Variants in EXOC6B observed in about 807,000 individuals in gnomAD.
EXOC6B encodes the protein SEC15 homolog B.
Under a neutral mutation model 113.5 loss-of-function variants are expected in EXOC6B, and 54 were observed. That is an observed-to-expected ratio of 0.48 (90% CI 0.38 to 0.60). EXOC6B has a LOEUF of 0.60. Among genes scored for constraint, EXOC6B ranks in the 20% least tolerant of loss-of-function variants. The pLI is 0.00. For missense variants in EXOC6B, 797 were observed against 977.5 expected (o/e 0.82, Z 2.46); for synonymous variants, 357 against 339.0 (o/e 1.05, Z -0.58).
intron 11 of EXOC6B, among the ~76,000 whole-genome samples, chr2:72,504,392 T>A (rs1267332837): frequency 1.3e-5 from 2 of 152,230 alleles, no homozygotes; most frequent in East Asian, 3.8e-4. Context: ...ATTATATAAG[T>A]GGAAATAAGC....
chr2:72,716,352 C>G (rs1198013320), intron 6 of EXOC6B, among the ~76,000 whole-genome samples: 1 of 152,174 alleles, frequency 6.6e-6, no homozygotes, highest in Non-Finnish European at 1.5e-5. Flanking sequence ...TCCCTCTTAT[C>G]TGGGAATTCA....
intron 6 of EXOC6B, among the ~76,000 whole-genome samples, chr2:72,655,850 A>C (rs1674539481): frequency 6.6e-6 from 1 of 152,108 alleles, no homozygotes; most frequent in East Asian, 1.9e-4. Context: ...AAACTTCCGT[A>C]ATTTCTTTTA....
At chr2:72,756,691 A>G (rs1032215373) in intron 1 of EXOC6B, among the ~76,000 whole-genome samples, 3 of 152,196 alleles carry the variant, frequency 2.0e-5, no homozygotes, top group Middle Eastern at 3.2e-3. Context: ...CCCAAATATA[A>G]TCCTAGCAGA....
chr2:72,592,569 C>A (rs1401672384), intron 6 of EXOC6B, among the ~76,000 whole-genome samples: 2 of 152,034 alleles, frequency 1.3e-5, no homozygotes, highest in Admixed American at 1.3e-4. Flanking sequence ...AACGTGAATC[C>A]TCTCCAAAAA....
intron 6 of EXOC6B, among the ~76,000 whole-genome samples, chr2:72,704,618 A>C (rs1198476560): frequency 1.3e-5 from 2 of 152,184 alleles, no homozygotes; most frequent in Non-Finnish European, 2.9e-5. Flanking sequence ...AGAATCAAAT[A>C]GACGCAATAA....
chr2:72,379,722 G>A lies in EXOC6B; in HGVS notation c.2122+7C>T, dbSNP rs1304550780. 1 of 1,607,716 alleles carries A rather than the reference G, an allele frequency of 6.2e-7. No homozygotes were observed. The highest frequency in any genetic ancestry group is 1.1e-5 in the South Asian group (1 of 89,868). On this transcript the variant is annotated splice_region_variant and intron_variant, in intron 19 of 21. Coordinates refer to ENST00000272427, the MANE Select transcript of EXOC6B (RefSeq NM_015189.3). ...ATAAACAAGCACAGGGATGGTCACT[G>A]TCTTACGTTCACATTCTCTGACGTC...
chr2:72,820,430 G>A (rs1479264521), intron 1 of EXOC6B, among the ~76,000 whole-genome samples: 1 of 152,088 alleles, frequency 6.6e-6, no homozygotes, highest in Non-Finnish European at 1.5e-5. Flanking sequence ...ATAAGACTGA[G>A]TAGTATGACA....
chr2:72,414,425 A>G (rs903360888), intron 18 of EXOC6B, among the ~76,000 whole-genome samples: 4 of 152,210 alleles, frequency 2.6e-5, no homozygotes, highest in African/African-American at 7.2e-5. Flanking sequence ...TCAAAAAACC[A>G]GTTTTATAAA....
At chr2:72,747,172 A>G (rs897564160) in intron 1 of EXOC6B, among the ~76,000 whole-genome samples, 17 of 151,994 alleles carry the variant, frequency 1.1e-4, no homozygotes, top group African/African-American at 4.1e-4. Flanking sequence ...ATTCATTCTG[A>G]TATTTCTGTC....
At chr2:72,701,122 T>C (rs1289015414) in intron 6 of EXOC6B, among the ~76,000 whole-genome samples, 1 of 151,824 alleles carries the variant, frequency 6.6e-6, no homozygotes, top group Non-Finnish European at 1.5e-5. Context: ...GGAAGGTGGA[T>C]CATGAGGTCA....
At chr2:72,327,098 G>C (rs976383857) in intron 20 of EXOC6B, among the ~76,000 whole-genome samples, 1 of 151,964 alleles carries the variant, frequency 6.6e-6, no homozygotes, top group Admixed American at 6.6e-5. Context: ...TCACATATCT[G>C]CCATTTATGA....
chr2:72,254,336 C>G (rs140317682), intron 20 of EXOC6B, among the ~76,000 whole-genome samples: 127 of 152,216 alleles, frequency 8.3e-4, no homozygotes, highest in African/African-American at 3.0e-3. Context: ...GAGGTGGAGA[C>G]TGGAGTTATG....
intron 6 of EXOC6B, among the ~76,000 whole-genome samples, chr2:72,591,326 G>T (rs901547684): frequency 6.6e-6 from 1 of 152,074 alleles, no homozygotes; most frequent in Non-Finnish European, 1.5e-5. Flanking sequence ...GACAGCTACT[G>T]TTACCTCAGG....
At chr2:72,222,933 T>C (rs1363856323) in intron 20 of EXOC6B, among the ~76,000 whole-genome samples, 4 of 152,118 alleles carry the variant, frequency 2.6e-5, no homozygotes, top group Admixed American at 2.0e-4. Flanking sequence ...ATGTAAGGGT[T>C]TGCAATATAC....
chr2:72,698,100 T>C (rs945302884), intron 6 of EXOC6B, among the ~76,000 whole-genome samples: 3 of 152,060 alleles, frequency 2.0e-5, no homozygotes, highest in Non-Finnish European at 2.9e-5. Context: ...AAGGAGAACC[T>C]TGGGCATGTC....
intron 20 of EXOC6B, among the ~76,000 whole-genome samples, chr2:72,296,829 C>T (rs937981048): frequency 2.0e-5 from 3 of 152,064 alleles, no homozygotes; most frequent in Admixed American, 1.3e-4. Context: ...ATGAAATTCC[C>T]CAAGGAAGAT....
intron 20 of EXOC6B, among the ~76,000 whole-genome samples, chr2:72,232,063 C>T (rs1357080010): frequency 7.9e-5 from 12 of 152,122 alleles, no homozygotes; most frequent in Non-Finnish European, 1.3e-4. Context: ...CAACCTCCGC[C>T]TACAGGTTCA....
intron 20 of EXOC6B, among the ~76,000 whole-genome samples, chr2:72,190,513 G>A (rs1459857732): frequency 6.6e-6 from 1 of 152,196 alleles, no homozygotes; most frequent in East Asian, 1.9e-4. Flanking sequence ...TGTTCTCAGA[G>A]AAGTATTACT....
rs1034744193 is a variant in EXOC6B at position 72,462,797 on chromosome 2, C to T, written c.1980+2363G>A. ...ATGGCTCATTATAATGTAATTTATT[C>T]TTTTTTTACATTTATTTTATAGAAC... On this transcript the variant is annotated intron_variant, in intron 18 of 21. Transcript: ENST00000272427. 8 of 152,078 alleles carry T rather than the reference C, an allele frequency of 5.3e-5. 1 individual carries two copies. Among genetic ancestry groups the T allele is most frequent in the African/African-American group, 1.9e-4 (8 of 41,518 alleles). 9.4% of individuals were successfully genotyped at this position (152,078 alleles called of 1,614,324 possible).
Sources: allele counts gnomAD v4.1 joint callset (sites outside exome capture counted in the v4.1 genomes callset), GRCh38; gene constraint gnomAD v4.1.1; transcripts MANE v1.5; gene names NCBI Gene and HGNC (gene_info 2026-07-23, HGNC 2026-07-21).